The following PDE7B variants were observed in gnomAD, a reference collection of about 807,000 sequenced individuals.
The protein encoded by PDE7B is phosphodiesterase 7B.
In PDE7B, 29 loss-of-function variants were observed where a neutral mutation model predicts 56.2. That is an observed-to-expected ratio of 0.52 (90% CI 0.38 to 0.70). The LOEUF is 0.70. PDE7B is among the 30% of genes least tolerant of loss of function. The probability of loss-of-function intolerance (pLI) is 0.00; values close to 1 mark genes in which losing one functional copy is unlikely to be tolerated. For missense variants in PDE7B, 490 were observed against 565.0 expected (o/e 0.87, Z 1.35); for synonymous variants, 197 against 196.9 (o/e 1.00, Z 0.00).
In PDE7B at chr6:135,963,940, A is replaced by G. The variant is rs181093976; in HGVS notation, c.82+16416A>G. Among the ~76,000 whole-genome samples, 519 of 152,250 alleles carry G rather than the reference A, an allele frequency of 3.4e-3. 3 individuals are homozygous for G. Among genetic ancestry groups the G allele is most frequent in the African/African-American group, 0.012 (507 of 41,538 alleles). Reference sequence around the variant, plus strand: ...CCAGTGAGCTCTAAAGAGGCCCTGAAAGGTTGTTCAGGGACAGCATCCTGT... The same window carrying G: ...CCAGTGAGCTCTAAAGAGGCCCTGAGAGGTTGTTCAGGGACAGCATCCTGT... On this transcript the variant is annotated intron_variant, in intron 2 of 12. Transcript: ENST00000308191.
chr6:136,001,219 C>A (rs562244708), intron 2 of PDE7B, among the ~76,000 whole-genome samples: 5 of 152,164 alleles, frequency 3.3e-5, no homozygotes, highest in African/African-American at 1.2e-4. Flanking sequence ...TCATCAAAGA[C>A]CAAAAGTAGA....
At chr6:136,147,653 T>C (rs1158257562) in intron 4 of PDE7B, 151 bp downstream of exon 4, 10 of 585,970 alleles carry the variant, frequency 1.7e-5, no homozygotes, top group South Asian at 2.8e-5. Context: ...GTTCCTCTAA[T>C]AGAAAATGAA....
At chr6:135,858,257 A>G (rs1775075792) in intron 1 of PDE7B, among the ~76,000 whole-genome samples, 1 of 151,928 alleles carries the variant, frequency 6.6e-6, no homozygotes, top group African/African-American at 2.4e-5. Context: ...GAGTCAAGCG[A>G]TTCTCCTGCC....
intron 2 of PDE7B, among the ~76,000 whole-genome samples, chr6:136,086,446 G>C (rs1379379869): frequency 6.6e-6 from 1 of 151,584 alleles, no homozygotes; most frequent in Non-Finnish European, 1.5e-5. Flanking sequence ...GAGGGAGGGG[G>C]GCTCCAAGCT....
At chr6:136,035,111 A>T (rs1357613759) in intron 2 of PDE7B, 1 of 152,190 alleles carries the variant, frequency 6.6e-6, no homozygotes, top group African/African-American at 2.4e-5. Flanking sequence ...CATGTGTAAG[A>T]ATCCTCACAA....
intron 3 of PDE7B, among the ~76,000 whole-genome samples, chr6:136,114,507 T>A (rs1456794481): frequency 6.6e-6 from 1 of 152,200 alleles, no homozygotes; most frequent in Non-Finnish European, 1.5e-5. Context: ...TAGCCCCATC[T>A]TAAAGATGGA....
intron 2 of PDE7B, among the ~76,000 whole-genome samples, chr6:136,102,317 T>C (rs1218748747): frequency 6.6e-6 from 1 of 152,184 alleles, no homozygotes; most frequent in Non-Finnish European, 1.5e-5. Flanking sequence ...ATCGGAAGAA[T>C]GGTAACTAAG....
chr6:135,951,110 G>T (rs1211426506), intron 2 of PDE7B, among the ~76,000 whole-genome samples: 3 of 152,160 alleles, frequency 2.0e-5, no homozygotes, highest in Admixed American at 2.0e-4. Flanking sequence ...AGCAAATGTG[G>T]ATGATCAAGT....
intron 1 of PDE7B, among the ~76,000 whole-genome samples, chr6:135,933,920 T>C (rs1011936564): frequency 7.2e-5 from 11 of 152,178 alleles, no homozygotes; most frequent in Non-Finnish European, 1.2e-4. Context: ...GGACCAAATA[T>C]GCCCCTGGTC....
intron 2 of PDE7B, among the ~76,000 whole-genome samples, chr6:136,021,690 C>T (rs962624228): frequency 6.6e-6 from 1 of 151,798 alleles, no homozygotes; most frequent in African/African-American, 2.4e-5. Flanking sequence ...CCTTCAGTCT[C>T]ACAGCTACCA....
intron 2 of PDE7B, among the ~76,000 whole-genome samples, chr6:136,104,189 A>G (rs1234964248): frequency 1.4e-5 from 2 of 144,852 alleles, no homozygotes; most frequent in Non-Finnish European, 2.9e-5. Context: ...AAAAAAAAGC[A>G]GCAGCCTTTC....
intron 2 of PDE7B, among the ~76,000 whole-genome samples, chr6:136,107,277 C>T (rs973362808): frequency 4.6e-5 from 7 of 152,244 alleles, no homozygotes; most frequent in Non-Finnish European, 7.4e-5. Context: ...CACCTTACTT[C>T]GGGAAAAAGG....
At chr6:136,097,876 C>G in intron 2 of PDE7B, 1 of 152,144 alleles carries the variant, frequency 6.6e-6, no homozygotes, top group Non-Finnish European at 1.5e-5. Flanking sequence ...TCTGAATATG[C>G]CCCCACAGCC....
At chr6:136,002,203 C>T (rs1053084820) in intron 2 of PDE7B, among the ~76,000 whole-genome samples, 66 of 152,254 alleles carry the variant, frequency 4.3e-4, no homozygotes, top group African/African-American at 1.6e-3. Context: ...GAAGGAAGCT[C>T]TAAACATGGA....
At chr6:135,926,666 G>C (rs1327250489) in intron 1 of PDE7B, among the ~76,000 whole-genome samples, 1 of 152,004 alleles carries the variant, frequency 6.6e-6, no homozygotes, top group Admixed American at 6.6e-5. Context: ...GAAGAGCAGG[G>C]GTAGAGGGTG....
intron 2 of PDE7B, among the ~76,000 whole-genome samples, chr6:135,988,704 T>C (rs964977301): frequency 4.9e-4 from 74 of 152,292 alleles, no homozygotes; most frequent in African/African-American, 1.6e-3. Context: ...GTAAAAGGAA[T>C]TATAAATTTA....
chr6:135,867,025 G>T (rs1775274084), intron 1 of PDE7B, among the ~76,000 whole-genome samples: 1 of 152,118 alleles, frequency 6.6e-6, no homozygotes, highest in South Asian at 2.1e-4. Flanking sequence ...GGTTTTTCCT[G>T]TGTGGGGGAT....
intron 2 of PDE7B, among the ~76,000 whole-genome samples, chr6:136,033,761 A>ATTGT (rs1424430137): frequency 2.6e-5 from 4 of 152,074 alleles, no homozygotes; most frequent in African/African-American, 9.7e-5. Flanking sequence ...TGTCTCCTAA[A>ATTGT]TTGTTTGCAG....
intron 8 of PDE7B, among the ~76,000 whole-genome samples, chr6:136,169,570 G>A (rs764969753): frequency 2.6e-5 from 4 of 152,256 alleles, no homozygotes; most frequent in African/African-American, 4.8e-5. Context: ...GGGATATGGT[G>A]TCATTTATCA....
Sources: gnomAD v4.1 joint callset for allele counts (sites outside exome capture counted in the v4.1 genomes callset) on GRCh38, gnomAD v4.1.1 for gene constraint, MANE v1.5 for transcripts, NCBI Gene and HGNC (gene_info 2026-07-23, HGNC 2026-07-21) for gene names.